The following CDHR1 variants were observed in gnomAD, a reference collection of about 807,000 sequenced individuals.
CDHR1 encodes the protein cadherin-related family member 1.
In CDHR1, 61 loss-of-function variants were observed where a neutral mutation model predicts 72.1. That is an observed-to-expected ratio of 0.85 (90% CI 0.69 to 1.05). The LOEUF (loss-of-function observed/expected upper bound fraction) is 1.05, where lower values mean the gene tolerates loss of function less well. Ranked by LOEUF, CDHR1 falls within the 50% of genes least tolerant of loss-of-function variation. CDHR1 has a pLI of 0.00. For synonymous variants in CDHR1, 470 were observed against 448.1 expected (o/e 1.05, Z -0.62); for missense variants, 1,186 against 1,115.7 (o/e 1.06, Z -0.90).
At chr10:84,219,148 T>TTTCTA, downstream of CDHR1, 1 of 1,546,936 alleles carries the variant, frequency 6.5e-7, no homozygotes, top group Non-Finnish European at 8.7e-7. Context: ...AAAACCAAAA[T>TTTCTA]TTAAGCCCAA....
At position 84,218,018 on chromosome 10, in the gene CDHR1, G is replaced by A. The variant is rs1842453676; in HGVS notation, c.*3397G>A. 1.0e-6 allele frequency: 1 copy of A among 985,380 alleles called. No homozygotes were observed. The highest frequency in any genetic ancestry group is 1.2e-6 in the Non-Finnish European group (1 of 829,974). 61.0% of individuals were successfully genotyped at this position (985,380 alleles called of 1,614,324 possible). A position where few individuals can be genotyped will look rare whatever the true frequency, so the allele number is the denominator to read the frequency against. Reference sequence around the variant, plus strand: ...AAGGATTTCGGTGATTCTATTTTTAGGGACTGAAGGCGTTGAGGGAATCCA... The same window carrying A: ...AAGGATTTCGGTGATTCTATTTTTAAGGACTGAAGGCGTTGAGGGAATCCA... On this transcript the variant is annotated 3_prime_UTR_variant, in exon 17 of 17. Coordinates refer to ENST00000623527, the MANE Select transcript of CDHR1 (RefSeq NM_033100.4).
intron 16 of CDHR1, 143 bp from the exon 17 acceptor site, chr10:84,213,939 C>A (rs1842382185): frequency 9.4e-7 from 1 of 1,063,308 alleles, no homozygotes; most frequent in African/African-American, 1.6e-5. Context: ...TGGACAAAAG[C>A]CCATAGTGCC....
chr10:84,214,286 C>A lies in CDHR1; in HGVS notation c.2245C>A (p.Arg749Ser), dbSNP rs560256506. Residue 749 changes from arginine to serine, a missense_variant, in exon 17 of 17, where the codon CGC becomes AGC. Arg to Ser is a moderately radical substitution (Grantham distance 110). Transcript: ENST00000623527. ...VLRKRPSPAP[R>S]TIRIEWLKSK... Reference sequence around the variant, plus strand: ...CCGCAAGCGGCCCAGCCCTGCGCCCCGCACCATCCGCATTGAGTGGCTCAA... The same window carrying A: ...CCGCAAGCGGCCCAGCCCTGCGCCCAGCACCATCCGCATTGAGTGGCTCAA... 2 of 1,613,902 alleles carry A rather than the reference C, an allele frequency of 1.2e-6. No homozygotes were observed. Among genetic ancestry groups the A allele is most frequent in the African/African-American group, 2.7e-5 (2 of 75,042 alleles).
chr10:84,205,684 T>A (rs1478205889), intron 9 of CDHR1, 143 bp from the exon 10 acceptor site: 3 of 702,194 alleles, frequency 4.3e-6, no homozygotes, highest in Non-Finnish European at 7.8e-6. Flanking sequence ...CCTCTGAGAC[T>A]GTTTCCATGT....
chr10:84,196,688 C>T (rs1417653330), intron 3 of CDHR1, 38 bp downstream of exon 3: 3 of 1,612,982 alleles, frequency 1.9e-6, no homozygotes, highest in Non-Finnish European at 1.7e-6. Context: ...GGGCCACTGC[C>T]TGTAGACAGA....
rs369220747 is a variant in CDHR1 at position 84,208,251 on chromosome 10, C to T, written c.1041C>T (p.Asn347=). 1 of 1,614,176 alleles carries T rather than the reference C, an allele frequency of 6.2e-7. No individual in the cohort carries two copies. The highest frequency in any genetic ancestry group is 8.5e-7 in the Non-Finnish European group (1 of 1,180,040). The part of the protein sequence containing the change: ...VPVTIRIVDL[N]NHPPTFYGES... Reference sequence around the variant, plus strand: ...TCACCATCAGGATTGTGGACCTCAACAACCACCCGCCAACATTCTATGGAG... The same window carrying T: ...TCACCATCAGGATTGTGGACCTCAATAACCACCCGCCAACATTCTATGGAG... Residue 347 remains asparagine (N), a synonymous_variant, in exon 11 of 17, where the codon AAC becomes AAT. Coordinates refer to ENST00000623527, the MANE Select transcript of CDHR1 (RefSeq NM_033100.4).
chr10:84,219,368 A>C, downstream of CDHR1: 1 of 1,502,372 alleles, frequency 6.7e-7, no homozygotes, highest in Non-Finnish European at 8.9e-7. Flanking sequence ...TTCCCTACCC[A>C]CCAACATGCT....
rs143279277 is a variant in CDHR1 at position 84,202,836 on chromosome 10, C to T, written c.640-144C>T. On this transcript the variant is annotated intron_variant, in intron 7 of 16. Transcript: ENST00000623527. Reference sequence around the variant, plus strand: ...ACTCCTGTGAGAGAAGAATTATCTCCGGGTGACACAGAAGCAAACAGAAAC... The same window carrying T: ...ACTCCTGTGAGAGAAGAATTATCTCTGGGTGACACAGAAGCAAACAGAAAC... The T allele has an allele frequency of 2.2e-4, 191 of 860,656 alleles. No individual in the cohort carries two copies. The East Asian group carries it at 4.5e-3, about 20-fold the overall frequency. The allele number at this position is 860,656 out of a possible 1,614,324, so 53.3% of individuals were successfully genotyped here.
Position 84,215,529 on chromosome 10 carries a change from C to T in CDHR1, c.*908C>T, listed in dbSNP as rs1224476182. ...TTATCCAGCTCTTTTGCTCACATCG[C>T]GTAACCTTGGGAAAGCTGTTTAAAG... On this transcript the variant is annotated 3_prime_UTR_variant, in exon 17 of 17. Transcript: ENST00000623527. 5 of 929,782 alleles carry T rather than the reference C, an allele frequency of 5.4e-6. No individual in the cohort carries two copies. Among genetic ancestry groups the T allele is most frequent in the Admixed American group, 6.2e-5 (1 of 16,200 alleles). The allele number at this position is 929,782 out of a possible 1,614,324, so 57.6% of individuals were successfully genotyped here. A position where few individuals can be genotyped will look rare whatever the true frequency, so the allele number is the denominator to read the frequency against.
chr10:84,210,559 G>T (rs957919424), intron 12 of CDHR1, among the ~76,000 whole-genome samples: 1 of 152,092 alleles, frequency 6.6e-6, no homozygotes, highest in African/African-American at 2.4e-5. Flanking sequence ...GAGCCACTGC[G>T]CCTGACCTAT....
At chr10:84,203,204 G>A (rs1842162798) in intron 8 of CDHR1, 81 bp downstream of exon 8, 3 of 1,566,652 alleles carry the variant, frequency 1.9e-6, no homozygotes, top group South Asian at 1.1e-5. Context: ...ACCCCCTGCT[G>A]GAGATGGCTG....
downstream of CDHR1, chr10:84,219,101 A>G: frequency 7.8e-7 from 1 of 1,274,732 alleles, no homozygotes; most frequent in South Asian, 1.3e-5. Flanking sequence ...AGGTACATGA[A>G]AAATAGTAAC....
At chr10:84,202,044 G>T in intron 7 of CDHR1, 124 bp downstream of exon 7, 1 of 760,704 alleles carries the variant, frequency 1.3e-6, no homozygotes, top group Non-Finnish European at 2.3e-6. Context: ...TGGGGAAATA[G>T]GGAGCAGCTG....
chr10:84,196,590 C>G lies in CDHR1; in HGVS notation c.237C>G (p.Ser79Arg). 2 of 1,614,194 alleles carry G rather than the reference C, an allele frequency of 1.2e-6. No homozygotes were observed. Among genetic ancestry groups the G allele is most frequent in the Middle Eastern group, 1.6e-4 (1 of 6,062 alleles). ...YHISFDPSTR[S>R]VFSVDPTFGN... is the part of the protein sequence containing the mutation. ...TCAGCTTTGACCCCAGCACTAGAAG[C>G]GTCTTTTCTGTTGACCCCACTTTTG... is the stretch of plus-strand genomic sequence containing the variant. Residue 79 changes from serine (S) to arginine (R), a missense_variant, in exon 3 of 17, where the codon AGC becomes AGG. Ser to Arg is a moderately radical substitution (Grantham distance 110). Transcript: ENST00000623527.
downstream of CDHR1, chr10:84,219,343 G>A: frequency 2.6e-6 from 4 of 1,534,996 alleles, no homozygotes. Context: ...TATGTTTACA[G>A]AAGCAACTGA....
At chr10:84,208,478 G>A (rs367714278) in intron 11 of CDHR1, 101 bp downstream of exon 11, 28 of 1,260,972 alleles carry the variant, frequency 2.2e-5, no homozygotes, top group South Asian at 1.5e-4. Context: ...GTATGTAGCC[G>A]GGACCAGGTG....
rs142742994 is a variant in CDHR1, at chr10:84,211,047, C to A, written c.1367C>A (p.Ala456Glu). Residue 456 changes from alanine to glutamate, a missense_variant, in exon 13 of 17, where the codon GCG becomes GAG. Ala to Glu is a moderately radical substitution (Grantham distance 107). Coordinates refer to ENST00000623527, the MANE Select transcript of CDHR1 (RefSeq NM_033100.4). ...VNTPEKFSST[A>E]DVVIQLLDTN... ...ACCCCAGAGAAGTTCAGTTCCACAG[C>A]GGATGTTGTGATCCAGCTCCTGGAC... The A allele has an allele frequency of 2.2e-5, 35 of 1,614,060 alleles. No homozygotes were observed. Among genetic ancestry groups the A allele is most frequent in the Non-Finnish European group, 2.9e-5 (34 of 1,180,032 alleles).
chr10:84,213,104 A>T lies in CDHR1; in HGVS notation c.1796A>T (p.Asp599Val). 6.2e-7 allele frequency: 1 copy of T among 1,614,218 alleles called. No individual in the cohort carries two copies. Among genetic ancestry groups the T allele is most frequent in the Non-Finnish European group, 8.5e-7 (1 of 1,180,044 alleles). The change falls in exon 16 of 17, where the codon GAT becomes GTT. Residue 599 changes from aspartate to valine, a missense_variant. Coordinates refer to ENST00000623527, the MANE Select transcript of CDHR1 (RefSeq NM_033100.4). ...TPVKIEAIDE[D>V]AEEPNNLVDY... Reference sequence around the variant, plus strand: ...CCCTGCGCACAGGCCATAGACGAGGATGCAGAGGAACCCAACAACCTGGTG... The same window carrying T: ...CCCTGCGCACAGGCCATAGACGAGGTTGCAGAGGAACCCAACAACCTGGTG...
downstream of CDHR1, chr10:84,218,983 G>A (rs1290596493): frequency 2.7e-5 from 15 of 560,810 alleles, no homozygotes; most frequent in East Asian, 2.5e-4. Flanking sequence ...AAAAAGCCTC[G>A]TATAATTACC....
Sources: gnomAD v4.1 joint callset for allele counts (sites outside exome capture counted in the v4.1 genomes callset) on GRCh38, gnomAD v4.1.1 for gene constraint, MANE v1.5 for transcripts, NCBI Gene and HGNC (gene_info 2026-07-23, HGNC 2026-07-21) for gene names.